CXADR: variants seen among roughly 807,000 people sequenced by gnomAD.
The protein encoded by CXADR is coxsackievirus and adenovirus receptor.
CXADR carries 20 observed loss-of-function variants against 40.3 expected under a neutral mutation model. That is an observed-to-expected ratio of 0.50 (90% CI 0.35 to 0.72). The LOEUF (loss-of-function observed/expected upper bound fraction) is 0.72, where lower values mean the gene tolerates loss of function less well. Ranked by LOEUF, CXADR falls within the 30% of genes least tolerant of loss-of-function variation. The pLI is 0.01. For synonymous variants in CXADR, 150 were observed against 161.3 expected, an observed-to-expected ratio of 0.93 and a Z score of 0.53; for missense variants, 332 against 449.1, an observed-to-expected ratio of 0.74 and a Z score of 2.36.
At position 17,579,290 on chromosome 21, in the gene CXADR, C is replaced by CT. The variant is rs60312076; in HGVS notation, c.1017+13691dup. On this transcript the variant is annotated intron_variant, in intron 7 of 7. Coordinates refer to the CXADR transcript ENST00000400169. The stretch of plus-strand genomic sequence containing the variant: ...TTTTCTTTTTCCTTTCTTCTCTTTT[C>CT]TTTTTTTTTTTTGAGATGGAGTCTC... Among the ~76,000 whole-genome samples the CT allele has an allele frequency of 7.2e-3, 785 of 108,302 alleles. 12 individuals carry two copies. Among genetic ancestry groups the CT allele is most frequent in the East Asian group, 0.063 (280 of 4,462 alleles). The allele number at this position is 108,302 out of a possible 152,430, so 71.1% of individuals were successfully genotyped here.
intron 1 of CXADR, chr21:17,518,609 C>T (rs1830021585): frequency 6.7e-7 from 1 of 1,497,684 alleles, no homozygotes; most frequent in South Asian, 1.1e-5. Flanking sequence ...TCTGGTTTTG[C>T]TGCTTTACTG....
chr21:17,577,196 A>G (rs1427931193), intron 7 of CXADR, among the ~76,000 whole-genome samples: 1 of 152,192 alleles, frequency 6.6e-6, no homozygotes, highest in Non-Finnish European at 1.5e-5. Flanking sequence ...ACTGTGACCA[A>G]TAGTAAATGA....
chr21:17,513,967 G>T (rs2060426034), intron 1 of CXADR, among the ~76,000 whole-genome samples: 1 of 152,172 alleles, frequency 6.6e-6, no homozygotes, highest in Non-Finnish European at 1.5e-5. Context: ...TGCCAAGTGC[G>T]TTTGTCGACT....
chr21:17,579,940 G>A (rs1007211325), intron 7 of CXADR, among the ~76,000 whole-genome samples: 1 of 151,832 alleles, frequency 6.6e-6, no homozygotes, highest in African/African-American at 2.4e-5. Context: ...GGACTTGGGT[G>A]CATCTAACCT....
downstream of CXADR, among the ~76,000 whole-genome samples, chr21:17,574,157 T>C (rs1425837278): frequency 6.6e-6 from 1 of 152,190 alleles, no homozygotes; most frequent in Non-Finnish European, 1.5e-5. Context: ...TCTAACCCTC[T>C]CACCCGTATT....
the CXADR span, among the ~76,000 whole-genome samples, chr21:17,626,275 A>C: frequency 1.3e-5 from 2 of 152,262 alleles, no homozygotes; most frequent in African/African-American, 4.8e-5. Flanking sequence ...TTTTAAAAAA[A>C]TAATTTTTGA....
chr21:17,564,745 CTT>C (rs1243241079), intron 6 of CXADR, among the ~76,000 whole-genome samples: 1 of 151,768 alleles, frequency 6.6e-6, no homozygotes, highest in African/African-American at 2.4e-5. Flanking sequence ...ATTTATTTCT[CTT>C]TTTTTGAGAC....
rs547209235 is a variant in CXADR at position 17,525,820 on chromosome 21, T to C, written c.43+12648T>C. The stretch of plus-strand genomic sequence containing the variant: ...GGACACATCATATTATTCTCATGTA[T>C]AGGAAACAAGTCCTAAAGCCCAGGC... On this transcript the variant is annotated intron_variant, in intron 1 of 6. Transcript: ENST00000284878. Among the ~76,000 whole-genome samples the C allele has an allele frequency of 2.9e-4, 44 of 152,354 alleles. 1 individual carries two copies. The highest frequency in any genetic ancestry group is 9.1e-4 in the African/African-American group (38 of 41,584).
At position 17,585,725 on chromosome 21, in the gene CXADR, G is replaced by A. The variant is rs141465950; in HGVS notation, c.1018-7427G>A. Among the ~76,000 whole-genome samples, 336 of 152,162 alleles carry A rather than the reference G, an allele frequency of 2.2e-3. 1 individual carries two copies. The highest frequency in any genetic ancestry group is 3.1e-3 in the Non-Finnish European group (208 of 68,002). Reference sequence around the variant, plus strand: ...AGTACAGACGGGGTTTCACCATGTTGGCCAGGATAGTCTCGATCTTTTGAG... The same window carrying A: ...AGTACAGACGGGGTTTCACCATGTTAGCCAGGATAGTCTCGATCTTTTGAG... On this transcript the variant is annotated intron_variant, in intron 7 of 7. Coordinates refer to the CXADR transcript ENST00000400169.
the CXADR span, among the ~76,000 whole-genome samples, chr21:17,620,865 G>C: frequency 6.6e-6 from 1 of 152,156 alleles, no homozygotes. Flanking sequence ...ATTGGCTCAT[G>C]CAACTGTGGG....
the CXADR span, chr21:17,613,053 C>T: frequency 2.0e-5 from 3 of 152,000 alleles, no homozygotes; most frequent in Admixed American, 1.3e-4. Context: ...ACCCCCGAGC[C>T]CCGGGCCTAG....
At chr21:17,533,842 C>T (rs1210772862) in intron 1 of CXADR, among the ~76,000 whole-genome samples, 1 of 151,440 alleles carries the variant, frequency 6.6e-6, no homozygotes, top group Non-Finnish European at 1.5e-5. Context: ...TATACTTATG[C>T]CATTTCTCAT....
At chr21:17,631,260 G>A in the CXADR span, among the ~76,000 whole-genome samples, 1 of 152,194 alleles carries the variant, frequency 6.6e-6, no homozygotes, top group African/African-American at 2.4e-5. Flanking sequence ...ATAGGTTCAT[G>A]TAGTTTTACA....
chr21:17,604,293 A>T, the CXADR span: 1 of 255,006 alleles, frequency 3.9e-6, no homozygotes, highest in Non-Finnish European at 8.0e-6. Flanking sequence ...ATATAAAAAA[A>T]AATTAGCCGG....
At chr21:17,516,635 T>C (rs1231834540) in intron 1 of CXADR, among the ~76,000 whole-genome samples, 1 of 152,216 alleles carries the variant, frequency 6.6e-6, no homozygotes, top group Non-Finnish European at 1.5e-5. Context: ...CAAGCCTCAC[T>C]GTGTGTCTGT....
chr21:17,534,096 A>ATTTTTTTT (rs1830128723), intron 1 of CXADR, among the ~76,000 whole-genome samples: 3 of 91,912 alleles, frequency 3.3e-5, no homozygotes, highest in African/African-American at 1.5e-4. Context: ...ATATATATAT[A>ATTTTTTTT]TATATTTTTT....
chr21:17,536,834 G>A (rs1232765960), intron 1 of CXADR, among the ~76,000 whole-genome samples: 1 of 152,054 alleles, frequency 6.6e-6, no homozygotes, highest in African/African-American at 2.4e-5. Context: ...TCAGCTCACT[G>A]CAACCTCTGC....
At position 17,531,109 on chromosome 21, in the gene CXADR, C is replaced by G. The variant is rs570573438; in HGVS notation, c.44-15918C>G. Among the ~76,000 whole-genome samples the G allele has an allele frequency of 3.3e-5, 5 of 152,112 alleles. No homozygotes were observed. The South Asian group carries it at 8.3e-4, about 25-fold the overall frequency. On this transcript the variant is annotated intron_variant, in intron 1 of 6. Coordinates refer to ENST00000284878, the MANE Select transcript of CXADR (RefSeq NM_001338.5). ...GGTCAGGAGTTCAAGACCAGACTGG[C>G]CAGCGTGGCGAAACCCCATCTTTAC...
chr21:17,606,623 A>G, the CXADR span, among the ~76,000 whole-genome samples: 1 of 152,162 alleles, frequency 6.6e-6, no homozygotes, highest in Non-Finnish European at 1.5e-5. Context: ...ATATAAATAT[A>G]GATGCTTAAA....
Sources: gnomAD v4.1 joint callset for allele counts (sites outside exome capture counted in the v4.1 genomes callset) on GRCh38, gnomAD v4.1.1 for gene constraint, MANE v1.5 for transcripts, NCBI Gene and HGNC (gene_info 2026-07-23, HGNC 2026-07-21) for gene names.